ATP8A2: variants seen among roughly 807,000 people sequenced by gnomAD.
ATP8A2 encodes the protein phospholipid-transporting ATPase IB.
A neutral mutation model predicts 165.6 loss-of-function variants in ATP8A2; 100 were observed. The observed-to-expected ratio is 0.60, with a 90% CI of 0.51 to 0.71. ATP8A2 has a LOEUF of 0.71. ATP8A2 is among the 30% of genes least tolerant of loss of function. The probability of loss-of-function intolerance (pLI) is 0.00; values close to 1 mark genes in which losing one functional copy is unlikely to be tolerated. For synonymous variants in ATP8A2, 543 were observed against 548.8 expected (o/e 0.99, Z 0.15); for missense variants, 1,227 against 1,479.5 (o/e 0.83, Z 2.80).
chr13:25,390,851 G>A (rs1203493545), intron 1 of ATP8A2, among the ~76,000 whole-genome samples: 1 of 151,840 alleles, frequency 6.6e-6, no homozygotes, highest in African/African-American at 2.4e-5. Context: ...CTTGAACCCG[G>A]GAGGCAGAGG....
intron 33 of ATP8A2, among the ~76,000 whole-genome samples, chr13:25,939,618 T>A (rs1010891294): frequency 1.3e-5 from 2 of 152,212 alleles, no homozygotes; most frequent in South Asian, 4.1e-4. Context: ...CATACTCTTT[T>A]GACTTCCCTG....
At chr13:25,512,163 G>C (rs2037248848) in intron 2 of ATP8A2, among the ~76,000 whole-genome samples, 1 of 151,204 alleles carries the variant, frequency 6.6e-6, no homozygotes, top group South Asian at 2.1e-4. Flanking sequence ...TTAACCCTGA[G>C]TGGACACAGC....
chr13:25,485,883 T>C (rs1262121549), intron 2 of ATP8A2, among the ~76,000 whole-genome samples: 1 of 152,150 alleles, frequency 6.6e-6, no homozygotes, highest in Non-Finnish European at 1.5e-5. Context: ...TTCTATCACA[T>C]TGTTGGGAAA....
At chr13:25,471,802 G>A (rs1158108516) in intron 2 of ATP8A2, among the ~76,000 whole-genome samples, 3 of 152,228 alleles carry the variant, frequency 2.0e-5, no homozygotes, top group Admixed American at 6.5e-5. Flanking sequence ...GAGAGGCAGA[G>A]TAAGTTGGGG....
intron 24 of ATP8A2, among the ~76,000 whole-genome samples, chr13:25,648,791 C>T (rs1407682752): frequency 6.6e-6 from 1 of 152,078 alleles, no homozygotes; most frequent in Non-Finnish European, 1.5e-5. Context: ...TATGTAAATA[C>T]TTGTTATATT....
intron 35 of ATP8A2, among the ~76,000 whole-genome samples, chr13:25,972,444 A>T (rs1289345831): frequency 1.3e-5 from 2 of 152,234 alleles, no homozygotes; most frequent in East Asian, 3.8e-4. Flanking sequence ...AAAGTGCTTT[A>T]GGGAGTGAAT....
At chr13:25,382,480 A>G (rs1353768220) in intron 1 of ATP8A2, among the ~76,000 whole-genome samples, 1 of 152,110 alleles carries the variant, frequency 6.6e-6, no homozygotes, top group Non-Finnish European at 1.5e-5. Context: ...GTATGCTAAG[A>G]GTATGTTTAG....
chr13:25,589,646 C>G lies in ATP8A2; in HGVS notation c.2158C>G (p.Arg720Gly). The change falls in exon 24 of 37, where the codon CGA becomes GGA. Residue 720 changes from arginine (R) to glycine (G), a missense_variant. Physicochemically the swap from Arg to Gly is moderately radical, Grantham distance 125. Around this residue, in one of 5 missense-constraint regions of ATP8A2, gnomAD observed 592 missense variants for 785.6 expected, o/e 0.75. Coordinates refer to ENST00000381655, the MANE Select transcript of ATP8A2 (RefSeq NM_016529.6). The stretch of plus-strand genomic sequence containing the variant: ...TTCCTCCACTTCAGGGTATTCCTGC[C>G]GATTGGTATCGCAGAATATGGCCCT... ...ETAINIGYSC[R>G]LVSQNMALIL... The G allele has an allele frequency of 1.9e-6, 3 of 1,611,198 alleles. No individual in the cohort carries two copies. The highest frequency in any genetic ancestry group is 2.5e-6 in the Non-Finnish European group (3 of 1,177,820).
intron 25 of ATP8A2, among the ~76,000 whole-genome samples, chr13:25,747,141 C>G (rs903024402): frequency 1.3e-5 from 2 of 152,106 alleles, no homozygotes; most frequent in African/African-American, 4.8e-5. Flanking sequence ...TTTTTGTTTT[C>G]CTGTATACAT....
In ATP8A2 at chr13:25,742,629, T is replaced by TC. The variant is rs902531718; in HGVS notation, c.2385-26410dup. 3.1e-3 allele frequency among the ~76,000 whole-genome samples: 468 copies of TC among 149,836 alleles called. 3 individuals carry two copies. The highest frequency in any genetic ancestry group is 0.011 in the African/African-American group (454 of 40,816). ...TCCTAAACATATTTGACTTAATTAA[T>TC]CCCCCCCACACACCCCACTCCACTT... On this transcript the variant is annotated intron_variant, in intron 25 of 36. Coordinates refer to ENST00000381655, the MANE Select transcript of ATP8A2 (RefSeq NM_016529.6).
intron 2 of ATP8A2, among the ~76,000 whole-genome samples, chr13:25,507,157 C>T (rs1411426423): frequency 6.6e-6 from 1 of 150,610 alleles, no homozygotes; most frequent in Non-Finnish European, 1.5e-5. Context: ...TAAATACATG[C>T]CAATATATTG....
chr13:25,557,419 T>C (rs926440838), intron 13 of ATP8A2, among the ~76,000 whole-genome samples: 1 of 152,180 alleles, frequency 6.6e-6, no homozygotes, highest in African/African-American at 2.4e-5. Context: ...CTTTATCTGT[T>C]GGTAAAATCC....
At chr13:25,917,923 C>A (rs982639124) in intron 33 of ATP8A2, among the ~76,000 whole-genome samples, 3 of 152,074 alleles carry the variant, frequency 2.0e-5, no homozygotes, top group African/African-American at 7.2e-5. Context: ...TTATTTAATT[C>A]TAAAATTTCT....
At chr13:25,813,622 T>C (rs1291149422) in intron 27 of ATP8A2, among the ~76,000 whole-genome samples, 2 of 145,904 alleles carry the variant, frequency 1.4e-5, no homozygotes, top group East Asian at 4.1e-4. Context: ...AATGGAATCT[T>C]GTGGAGGTGG....
At chr13:25,817,985 G>C (rs1202322049) in intron 27 of ATP8A2, among the ~76,000 whole-genome samples, 1 of 152,054 alleles carries the variant, frequency 6.6e-6, no homozygotes, top group East Asian at 1.9e-4. Flanking sequence ...CCAGCCTCAA[G>C]TCCTTTTAAA....
intron 24 of ATP8A2, among the ~76,000 whole-genome samples, chr13:25,684,585 T>C (rs2042562465): frequency 6.6e-6 from 1 of 152,240 alleles, no homozygotes; most frequent in African/African-American, 2.4e-5. Context: ...AGAATTCTGA[T>C]TTAAAGCAGA....
chr13:25,964,044 G>A lies in ATP8A2; in HGVS notation c.3272+2381G>A, dbSNP rs182668546. Reference sequence around the variant, plus strand: ...AGGTGCCCGCAGGGCAAGCAAGGAAGGCTAAGGGTCGTCACTCTGCAGCAG... The same window carrying A: ...AGGTGCCCGCAGGGCAAGCAAGGAAAGCTAAGGGTCGTCACTCTGCAGCAG... On this transcript the variant is annotated intron_variant, in intron 34 of 36. Transcript: ENST00000381655. Among the ~76,000 whole-genome samples, 4 of 152,370 alleles carry A rather than the reference G, an allele frequency of 2.6e-5. No homozygotes were observed. In the East Asian group the frequency reaches 7.7e-4, roughly 29 times the overall value.
At chr13:25,762,191 C>T (rs1428219169) in intron 25 of ATP8A2, among the ~76,000 whole-genome samples, 1 of 129,070 alleles carries the variant, frequency 7.7e-6, no homozygotes, top group African/African-American at 2.9e-5. Context: ...ATTGCTTGAA[C>T]CTGGGAGGCG....
chr13:25,715,366 C>T (rs182573581), intron 25 of ATP8A2, among the ~76,000 whole-genome samples: 5 of 152,296 alleles, frequency 3.3e-5, no homozygotes, highest in Admixed American at 2.0e-4. Context: ...CCATGTAATT[C>T]ACACATTTGA....
Sources: gnomAD v4.1 joint callset for allele counts (sites outside exome capture counted in the v4.1 genomes callset) on GRCh38, gnomAD v4.1.1 for gene constraint, gnomAD v4.1.1 regional missense constraint, MANE v1.5 for transcripts, NCBI Gene and HGNC (gene_info 2026-07-23, HGNC 2026-07-21) for gene names.